The following OTOGL variants were observed in gnomAD, a reference collection of about 807,000 sequenced individuals.
OTOGL encodes otogelin-like protein.
In OTOGL, 285 loss-of-function variants were observed where a neutral mutation model predicts 318.5. That is an observed-to-expected ratio of 0.89 (90% CI 0.81 to 0.99). OTOGL has a LOEUF of 0.99. OTOGL is among the 50% of genes least tolerant of loss of function. OTOGL has a pLI of 0.00. For synonymous variants in OTOGL, 987 were observed against 936.5 expected (o/e 1.05, Z -0.99); for missense variants, 2,899 against 2,845.6 (o/e 1.02, Z -0.43).
At chr12:80,141,561 T>C (rs2137141955) in intron 1 of OTOGL, among the ~76,000 whole-genome samples, 1 of 152,198 alleles carries the variant, frequency 6.6e-6, no homozygotes, top group South Asian at 2.1e-4. Flanking sequence ...AATGAGTAAA[T>C]AAAAAGGTGT....
chr12:80,192,590 A>T (rs1875770627), intron 1 of OTOGL, among the ~76,000 whole-genome samples: 1 of 152,260 alleles, frequency 6.6e-6, no homozygotes, highest in African/African-American at 2.4e-5. Flanking sequence ...AATTTTCTCC[A>T]AGATGCTGTG....
chr12:80,249,464 A>T (rs1293161786), intron 11 of OTOGL, among the ~76,000 whole-genome samples: 1 of 151,298 alleles, frequency 6.6e-6, no homozygotes, highest in Non-Finnish European at 1.5e-5. Context: ...GGTGCCTCCC[A>T]GTTAGGCTGC....
chr12:80,278,996 T>C (rs1370247363), intron 25 of OTOGL, 32 bp from the exon 26 acceptor site: 3 of 1,561,990 alleles, frequency 1.9e-6, no homozygotes, highest in Non-Finnish European at 2.6e-6. Flanking sequence ...AGTCGTTTCT[T>C]TAGAAAGGTA....
At position 80,353,384 on chromosome 12, in the gene OTOGL, A is replaced by C. The variant is rs1360903184; in HGVS notation, c.5467A>C (p.Thr1823Pro). 12 of 1,602,272 alleles carry C rather than the reference A, an allele frequency of 7.5e-6. No homozygotes were observed. The highest frequency in any genetic ancestry group is 1.1e-5 in the South Asian group (1 of 88,272). The change falls in exon 46 of 59, where the codon ACA becomes CCA. Residue 1823 changes from threonine (T) to proline (P), a missense_variant. This residue lies in a region of OTOGL where 2,607 missense variants were observed against 2,524.9 expected (regional missense o/e 1.03). Transcript: ENST00000547103. Reference protein sequence around the residue: ...QPCVRPCEARTCLNQWFYGHT... With the variant: ...QPCVRPCEARPCLNQWFYGHT... ...CTGTGTGCGACCTTGTGAAGCAAGA[A>C]CATGCCTGAACCAATGGTTCTATGG...
intron 1 of OTOGL, among the ~76,000 whole-genome samples, chr12:80,119,956 CTG>C (rs1316175351): frequency 1.3e-5 from 2 of 152,072 alleles, no homozygotes; most frequent in African/African-American, 4.8e-5. Flanking sequence ...TCTTTAGAGA[CTG>C]AGGTTGATTT....
At chr12:80,290,968 A>G (rs183798564) in intron 26 of OTOGL, among the ~76,000 whole-genome samples, 1 of 152,328 alleles carries the variant, frequency 6.6e-6, no homozygotes. Context: ...AATGCTGGGC[A>G]TTTGGTGAAC....
chr12:80,126,786 A>T (rs1409598119), intron 1 of OTOGL, among the ~76,000 whole-genome samples: 1 of 152,086 alleles, frequency 6.6e-6, no homozygotes, highest in African/African-American at 2.4e-5. Flanking sequence ...TCCCTTTACC[A>T]TTATGTAATG....
At chr12:80,213,519 A>T (rs757411794) in intron 4 of OTOGL, among the ~76,000 whole-genome samples, 6 of 152,208 alleles carry the variant, frequency 3.9e-5, no homozygotes, top group Non-Finnish European at 8.8e-5. Context: ...CCCCTATTCA[A>T]GGTGGAACCA....
intron 9 of OTOGL, among the ~76,000 whole-genome samples, chr12:80,234,642 T>C (rs979318669): frequency 3.3e-5 from 5 of 152,228 alleles, no homozygotes; most frequent in Admixed American, 6.5e-5. Flanking sequence ...TTTAATTTAA[T>C]TTATAGTCAT....
chr12:80,267,307 C>A lies in OTOGL; in HGVS notation c.2445C>A (p.Ile815=). The change falls in exon 22 of 59, where the codon ATC becomes ATA. Residue 815 remains isoleucine (I), a synonymous_variant. Coordinates refer to ENST00000547103, the MANE Select transcript of OTOGL (RefSeq NM_001378609.3). ...GTGTTTATCAACCTGGAGAGCTCAT[C>A]CCCACACCCTCGGGCTTATGGTAGG... ...RGSVYQPGEL[I]PTPSGLCQCS... is the part of the protein sequence containing the mutation. The A allele has an allele frequency of 6.4e-7, 1 of 1,550,660 alleles. No individual in the cohort carries two copies. Among genetic ancestry groups the A allele is most frequent in the Non-Finnish European group, 8.8e-7 (1 of 1,132,424 alleles).
At chr12:80,339,298 GTTTTTTT>G (rs10715159) in intron 43 of OTOGL, 34 bp downstream of exon 43, 1,189 of 536,598 alleles carry the variant, frequency 2.2e-3, no homozygotes, top group Middle Eastern at 4.3e-3. Context: ...GATTTCGTCT[GTTTTTTT>G]TTTTTTTTTT....
chr12:80,123,303 G>C (rs907834546), intron 1 of OTOGL, among the ~76,000 whole-genome samples: 14 of 152,076 alleles, frequency 9.2e-5, no homozygotes, highest in African/African-American at 3.4e-4. Flanking sequence ...TTGTCCTTGC[G>C]ATAGTTTGCT....
chr12:80,273,643 A>G (rs1049908066), intron 24 of OTOGL, among the ~76,000 whole-genome samples: 1 of 152,084 alleles, frequency 6.6e-6, no homozygotes, highest in Non-Finnish European at 1.5e-5. Flanking sequence ...TTCTTATCCC[A>G]CTGCCCAAAC....
intron 1 of OTOGL, among the ~76,000 whole-genome samples, chr12:80,108,533 A>G (rs1293081334): frequency 6.6e-6 from 1 of 151,354 alleles, no homozygotes; most frequent in Non-Finnish European, 1.5e-5. Context: ...TCTCTTTGCA[A>G]TTTATGGCAA....
intron 46 of OTOGL, 128 bp from the exon 47 acceptor site, chr12:80,355,608 A>G: frequency 1.5e-6 from 1 of 688,058 alleles, no homozygotes; most frequent in Non-Finnish European, 2.4e-6. Context: ...GAAATCTGAG[A>G]AAAACAATAG....
chr12:80,160,786 A>C (rs1019778062), intron 1 of OTOGL, among the ~76,000 whole-genome samples: 9 of 152,242 alleles, frequency 5.9e-5, no homozygotes, highest in African/African-American at 1.7e-4. Flanking sequence ...TTGCATATGC[A>C]TGTTTACAGC....
At chr12:80,279,974 C>G (rs1279211360) in intron 26 of OTOGL, among the ~76,000 whole-genome samples, 1 of 151,370 alleles carries the variant, frequency 6.6e-6, no homozygotes, top group Non-Finnish European at 1.5e-5. Flanking sequence ...TTTTTTTTGA[C>G]TTTTTAATAA....
chr12:80,180,500 G>A (rs1344740744), intron 1 of OTOGL, among the ~76,000 whole-genome samples: 1 of 152,216 alleles, frequency 6.6e-6, no homozygotes, highest in Non-Finnish European at 1.5e-5. Context: ...CCTCTGCAGT[G>A]AAGGAGTCTG....
chr12:80,102,665 C>T (rs1869209727), intron 1 of OTOGL, among the ~76,000 whole-genome samples: 1 of 152,308 alleles, frequency 6.6e-6, no homozygotes, highest in South Asian at 2.1e-4. Context: ...CTATCCCCCT[C>T]ACTGTAGTCA....
Sources: allele counts gnomAD v4.1 joint callset (sites outside exome capture counted in the v4.1 genomes callset), GRCh38; gene constraint gnomAD v4.1.1; regional missense constraint gnomAD v4.1.1; transcripts MANE v1.5; gene names NCBI Gene and HGNC (gene_info 2026-07-23, HGNC 2026-07-21).